Variants in PCDH7 observed in about 807,000 individuals in gnomAD.
The protein encoded by PCDH7 is protocadherin 7, also known as protocadherin-7.
Under a neutral mutation model 58.9 loss-of-function variants are expected in PCDH7, and 17 were observed. That is an observed-to-expected ratio of 0.29 (90% CI 0.20 to 0.43). The LOEUF (loss-of-function observed/expected upper bound fraction) is 0.43. Among genes scored for constraint, PCDH7 ranks in the 20% least tolerant of loss-of-function variants. PCDH7 has a pLI of 1.00. For synonymous variants in PCDH7, 664 were observed against 616.4 expected, an observed-to-expected ratio of 1.08 and a Z score of -1.14; for missense variants, 1,274 against 1,441.0, an observed-to-expected ratio of 0.88 and a Z score of 1.88.
chr4:30,929,297 A>C (rs1016663621), intron 2 of PCDH7, among the ~76,000 whole-genome samples: 1 of 152,194 alleles, frequency 6.6e-6, no homozygotes, highest in Non-Finnish European at 1.5e-5. Context: ...ATTCAAGTTA[A>C]GCATACAGGT....
chr4:30,777,798 T>C (rs1348921), intron 1 of PCDH7, among the ~76,000 whole-genome samples: 84,959 of 151,934 alleles, frequency 0.56, 24,928 homozygotes, highest in African/African-American at 0.74. Context: ...TAAAGAGGTA[T>C]CTGGTAGTAT....
At chr4:30,942,056 T>G (rs1456265457) in intron 2 of PCDH7, among the ~76,000 whole-genome samples, 1 of 151,936 alleles carries the variant, frequency 6.6e-6, no homozygotes, top group Non-Finnish European at 1.5e-5. Flanking sequence ...TTTATGCTAC[T>G]TGATGACATG....
chr4:30,748,321 G>T (rs376014061), intron 1 of PCDH7, among the ~76,000 whole-genome samples: 1 of 152,120 alleles, frequency 6.6e-6, no homozygotes. Flanking sequence ...ATCTGAGTTT[G>T]TTTTCTGTGC....
chr4:31,054,257 C>T (rs888284724), intron 3 of PCDH7, among the ~76,000 whole-genome samples: 2 of 152,184 alleles, frequency 1.3e-5, no homozygotes, highest in African/African-American at 4.8e-5. Context: ...TAAGCCACCA[C>T]GTCCGGCCCT....
intron 1 of PCDH7, among the ~76,000 whole-genome samples, chr4:30,865,815 T>C (rs1246993551): frequency 2.0e-5 from 3 of 152,106 alleles, no homozygotes; most frequent in Non-Finnish European, 4.4e-5. Context: ...GGCATACTTA[T>C]AGAGTATGTT....
At chr4:31,098,546 C>T (rs955458901) in intron 3 of PCDH7, among the ~76,000 whole-genome samples, 4 of 152,162 alleles carry the variant, frequency 2.6e-5, no homozygotes, top group African/African-American at 9.7e-5. Context: ...ATGATTATAG[C>T]ATGGACTCTG....
At chr4:30,926,376 G>T (rs527734111) in intron 2 of PCDH7, among the ~76,000 whole-genome samples, 20 of 152,072 alleles carry the variant, frequency 1.3e-4, no homozygotes, top group Admixed American at 2.6e-4. Flanking sequence ...AGTAGAGACA[G>T]GGTTTCACCA....
At chr4:30,831,229 G>T (rs759155847) in intron 1 of PCDH7, among the ~76,000 whole-genome samples, 1 of 151,988 alleles carries the variant, frequency 6.6e-6, no homozygotes, top group Non-Finnish European at 1.5e-5. Flanking sequence ...TTTATGCCTG[G>T]ACAATTAAGA....
At chr4:30,838,604 C>G (rs1290015875) in intron 1 of PCDH7, among the ~76,000 whole-genome samples, 4 of 152,300 alleles carry the variant, frequency 2.6e-5, no homozygotes, top group Non-Finnish European at 5.9e-5. Context: ...AAGCCAGTCC[C>G]TGGCTTTGCT....
chr4:30,941,884 G>A (rs1746084168), intron 2 of PCDH7, among the ~76,000 whole-genome samples: 1 of 151,872 alleles, frequency 6.6e-6, no homozygotes, highest in African/African-American at 2.4e-5. Flanking sequence ...TACAAGGTCA[G>A]GATGTGAGAA....
At chr4:30,740,871 T>G (rs2109248128) in intron 1 of PCDH7, among the ~76,000 whole-genome samples, 1 of 109,582 alleles carries the variant, frequency 9.1e-6, no homozygotes, top group East Asian at 2.4e-4. Flanking sequence ...TATAAATTTT[T>G]ATGATACATG....
At chr4:30,781,515 G>C (rs1478962611) in intron 1 of PCDH7, among the ~76,000 whole-genome samples, 1 of 151,050 alleles carries the variant, frequency 6.6e-6, no homozygotes, top group African/African-American at 2.4e-5. Flanking sequence ...TGAGGAATTC[G>C]TATAATATTT....
chr4:30,867,408 C>G (rs1735012480), intron 1 of PCDH7, among the ~76,000 whole-genome samples: 1 of 152,056 alleles, frequency 6.6e-6, no homozygotes, highest in African/African-American at 2.4e-5. Context: ...TTATTTACAA[C>G]ATTTGTCCTA....
rs889194649 is a variant in PCDH7, at chr4:31,113,112, T to C, written c.*8-29361T>C. Among the ~76,000 whole-genome samples, 12 of 152,334 alleles carry C rather than the reference T, an allele frequency of 7.9e-5. No homozygotes were observed. In the East Asian group the frequency reaches 1.9e-3, roughly 24 times the overall value. Reference sequence around the variant, plus strand: ...TTTAATACTAAAATTGACCTTCTTTTGTCTGTATTTAGAGATTGTTTATTG... The same window carrying C: ...TTTAATACTAAAATTGACCTTCTTTCGTCTGTATTTAGAGATTGTTTATTG... On this transcript the variant is annotated intron_variant, in intron 3 of 3. Transcript: ENST00000509759.
intron 3 of PCDH7, among the ~76,000 whole-genome samples, chr4:31,108,152 C>A (rs1385942478): frequency 6.6e-6 from 1 of 151,790 alleles, no homozygotes; most frequent in African/African-American, 2.4e-5. Context: ...CCAAAATAGA[C>A]CAGATCATGT....
chr4:30,855,060 T>TGAAG (rs141468697), intron 1 of PCDH7, among the ~76,000 whole-genome samples: 361 of 152,274 alleles, frequency 2.4e-3, no homozygotes, highest in African/African-American at 8.5e-3. Flanking sequence ...ATTTGCCTTC[T>TGAAG]GAAGGCGGAA....
chr4:30,920,598 C>T (rs372678956), intron 2 of PCDH7, among the ~76,000 whole-genome samples: 8 of 152,094 alleles, frequency 5.3e-5, no homozygotes, highest in African/African-American at 1.9e-4. Flanking sequence ...CAGAAATAAA[C>T]GCACTTATAA....
At chr4:30,750,077 C>A (rs921071978) in intron 1 of PCDH7, among the ~76,000 whole-genome samples, 1 of 152,100 alleles carries the variant, frequency 6.6e-6, no homozygotes, top group Non-Finnish European at 1.5e-5. Context: ...AGGCACTGGG[C>A]AGCTCCTTGC....
At chr4:30,940,328 G>A (rs1158317051) in intron 2 of PCDH7, among the ~76,000 whole-genome samples, 1 of 151,896 alleles carries the variant, frequency 6.6e-6, no homozygotes, top group Non-Finnish European at 1.5e-5. Context: ...TATTTGGTCA[G>A]TGAAATTTAA....
Sources: gnomAD v4.1 joint callset for allele counts (sites outside exome capture counted in the v4.1 genomes callset) on GRCh38, gnomAD v4.1.1 for gene constraint, MANE v1.5 for transcripts, NCBI Gene and HGNC (gene_info 2026-07-23, HGNC 2026-07-21) for gene names.